The following CSMD1 variants were observed in gnomAD, a reference collection of about 807,000 sequenced individuals.
CSMD1 encodes CUB and sushi domain-containing protein 1.
In CSMD1, 213 loss-of-function variants were observed where a neutral mutation model predicts 417.5. That is an observed-to-expected ratio of 0.51 (90% CI 0.46 to 0.57). CSMD1 has a LOEUF of 0.57. Ranked by LOEUF, CSMD1 falls within the 20% of genes least tolerant of loss-of-function variation. The pLI, the probability that CSMD1 is intolerant of heterozygous loss-of-function variation, is 0.00. For missense variants in CSMD1, 6,923 were observed against 4,529.7 expected, an observed-to-expected ratio of 1.53 and a Z score of -15.17; for synonymous variants, 2,862 against 1,736.8, an observed-to-expected ratio of 1.65 and a Z score of -16.11.
intron 51 of CSMD1, among the ~76,000 whole-genome samples, chr8:3,022,609 A>T (rs1809534668): frequency 6.6e-6 from 1 of 152,044 alleles, no homozygotes; most frequent in Non-Finnish European, 1.5e-5. Context: ...TATCAGAAAT[A>T]TGAATATTAC....
intron 5 of CSMD1, among the ~76,000 whole-genome samples, chr8:3,926,169 C>G (rs980755269): frequency 4.0e-5 from 6 of 150,440 alleles, no homozygotes; most frequent in Non-Finnish European, 5.9e-5. Context: ...TGTATACTTT[C>G]TAAGTCATAT....
intron 5 of CSMD1, among the ~76,000 whole-genome samples, chr8:3,889,480 TATATA>T (rs1806800619): frequency 8.8e-6 from 1 of 113,874 alleles, no homozygotes; most frequent in Non-Finnish European, 1.8e-5. Flanking sequence ...TATATATATA[TATATA>T]TATATATAAA....
At chr8:3,766,057 A>T (rs1004313314) in intron 5 of CSMD1, among the ~76,000 whole-genome samples, 1 of 152,174 alleles carries the variant, frequency 6.6e-6, no homozygotes, top group Non-Finnish European at 1.5e-5. Flanking sequence ...CGTGCCAGGG[A>T]ATTGCTCAGA....
chr8:4,977,443 C>G (rs1168958608), intron 1 of CSMD1, among the ~76,000 whole-genome samples: 1 of 152,122 alleles, frequency 6.6e-6, no homozygotes, highest in Non-Finnish European at 1.5e-5. Flanking sequence ...GGGTGCATGT[C>G]CACGGACTCA....
intron 3 of CSMD1, among the ~76,000 whole-genome samples, chr8:4,244,982 G>T (rs1802617813): frequency 6.6e-6 from 1 of 152,118 alleles, no homozygotes; most frequent in African/African-American, 2.4e-5. Flanking sequence ...GCCTGGAGTG[G>T]AAGTAAATCG....
At chr8:4,564,204 T>C (rs1413361939) in intron 2 of CSMD1, among the ~76,000 whole-genome samples, 7 of 152,218 alleles carry the variant, frequency 4.6e-5, no homozygotes, top group African/African-American at 1.7e-4. Flanking sequence ...TTTTCTTCAC[T>C]TCCTTCCCCT....
intron 5 of CSMD1, among the ~76,000 whole-genome samples, chr8:3,840,651 G>T (rs1015394109): frequency 1.1e-4 from 17 of 151,312 alleles, no homozygotes; most frequent in Non-Finnish European, 2.4e-4. Flanking sequence ...TAGTGTATAG[G>T]ATATTGAGGT....
intron 4 of CSMD1, among the ~76,000 whole-genome samples, chr8:4,020,755 A>C (rs1178937577): frequency 6.6e-6 from 1 of 152,228 alleles, no homozygotes; most frequent in Non-Finnish European, 1.5e-5. Flanking sequence ...ACCCAACGTC[A>C]TTACTTCCAA....
At chr8:3,255,822 T>C (rs2117058012) in intron 26 of CSMD1, among the ~76,000 whole-genome samples, 1 of 152,304 alleles carries the variant, frequency 6.6e-6, no homozygotes, top group Non-Finnish European at 1.5e-5. Context: ...TCCCGGGTGA[T>C]GTGATGCCTC....
chr8:3,930,983 T>C (rs1810098350), intron 5 of CSMD1, among the ~76,000 whole-genome samples: 1 of 150,610 alleles, frequency 6.6e-6, no homozygotes, highest in South Asian at 2.1e-4. Flanking sequence ...CTGTGGAATA[T>C]CATCTTATTT....
chr8:4,890,800 GT>G (rs1475146926), intron 1 of CSMD1, among the ~76,000 whole-genome samples: 2 of 152,124 alleles, frequency 1.3e-5, no homozygotes, highest in African/African-American at 4.8e-5. Flanking sequence ...ATACATTCCG[GT>G]TAAGGACGCT....
intron 26 of CSMD1, among the ~76,000 whole-genome samples, chr8:3,238,501 G>A (rs1799294207): frequency 6.6e-6 from 1 of 152,030 alleles, no homozygotes; most frequent in South Asian, 2.1e-4. Flanking sequence ...AGACATAATG[G>A]GCGATGTTTC....
intron 2 of CSMD1, among the ~76,000 whole-genome samples, chr8:4,449,506 A>AT (rs1263536379): frequency 6.6e-6 from 1 of 152,114 alleles, no homozygotes; most frequent in Non-Finnish European, 1.5e-5. Flanking sequence ...GTTACTTGTC[A>AT]TTTTTTGTCT....
intron 5 of CSMD1, among the ~76,000 whole-genome samples, chr8:3,877,921 G>T (rs539407033): frequency 1.3e-5 from 2 of 149,976 alleles, no homozygotes; most frequent in Non-Finnish European, 3.0e-5. Context: ...TTTATAGGTC[G>T]TGGCCATGAC....
chr8:2,938,323 C>A lies in CSMD1; in HGVS notation c.*262G>T. 2.4e-6 allele frequency: 1 copy of A among 412,526 alleles called. No individual in the cohort carries two copies. Among genetic ancestry groups the A allele is most frequent in the Admixed American group, 4.1e-5 (1 of 24,132 alleles). The allele number at this position is 412,526 out of a possible 1,614,324, so 25.6% of individuals were successfully genotyped here. A position where few individuals can be genotyped will look rare whatever the true frequency, so the allele number is the denominator to read the frequency against. On this transcript the variant is annotated 3_prime_UTR_variant, in exon 70 of 70. Transcript: ENST00000635120. ...CGTGTTGGCGCGACGTGGCAGTCTT[C>A]CTGGAGTGTGCCTTGATTTCATACA...
chr8:4,816,029 G>A (rs1192627627), intron 1 of CSMD1, among the ~76,000 whole-genome samples: 1 of 152,170 alleles, frequency 6.6e-6, no homozygotes, highest in Non-Finnish European at 1.5e-5. Flanking sequence ...GAAAGCAGGT[G>A]CAGAGGCTTA....
At chr8:4,232,953 T>G (rs1178974696) in intron 3 of CSMD1, among the ~76,000 whole-genome samples, 2 of 152,178 alleles carry the variant, frequency 1.3e-5, no homozygotes, top group Non-Finnish European at 2.9e-5. Context: ...CAGTCAAGCA[T>G]AATTTGGTTA....
intron 3 of CSMD1, among the ~76,000 whole-genome samples, chr8:4,317,747 T>C (rs1240154196): frequency 6.6e-6 from 1 of 152,132 alleles, no homozygotes; most frequent in Non-Finnish European, 1.5e-5. Flanking sequence ...TCTGTACCAT[T>C]TAGGTTACTT....
chr8:4,895,407 C>T (rs1221710652), intron 1 of CSMD1, among the ~76,000 whole-genome samples: 1 of 152,106 alleles, frequency 6.6e-6, no homozygotes, highest in Non-Finnish European at 1.5e-5. Context: ...CTCTTTTTCC[C>T]ATGCAAAGCC....
Sources: allele counts gnomAD v4.1 joint callset (sites outside exome capture counted in the v4.1 genomes callset), GRCh38; gene constraint gnomAD v4.1.1; transcripts MANE v1.5; gene names NCBI Gene and HGNC (gene_info 2026-07-23, HGNC 2026-07-21).